Variants in PHF21B observed in about 807,000 individuals in gnomAD.
PHF21B encodes the protein PHD finger protein 21B.
A neutral mutation model predicts 62.2 loss-of-function variants in PHF21B; 22 were observed. The ratio of observed to expected loss-of-function variants is 0.35; its 90% CI spans 0.25 to 0.51. The LOEUF (loss-of-function observed/expected upper bound fraction) is 0.51, where lower values mean the gene tolerates loss of function less well. PHF21B is among the 20% of genes least tolerant of loss of function. PHF21B has a pLI of 0.97. For missense variants in PHF21B, 701 were observed against 707.9 expected (o/e 0.99, Z 0.11); for synonymous variants, 341 against 314.7 (o/e 1.08, Z -0.88).
At chr22:44,915,614 G>A (rs575291055) in intron 4 of PHF21B, among the ~76,000 whole-genome samples, 1 of 152,226 alleles carries the variant, frequency 6.6e-6, no homozygotes, top group Admixed American at 6.5e-5. Context: ...CTCACATGAG[G>A]GTCGGCCGTC....
At position 44,917,176 on chromosome 22, in the gene PHF21B, C is replaced by A. The variant is rs539812851; in HGVS notation, c.214-546G>T. On this transcript the variant is annotated intron_variant, in intron 3 of 12. Coordinates refer to ENST00000313237, the MANE Select transcript of PHF21B (RefSeq NM_138415.5). The stretch of plus-strand genomic sequence containing the variant: ...GACAGTGAAGGTGTGCAGAGGGCAG[C>A]CGGGCAGCCACTGGGTGGTTCAGGC... Among the ~76,000 whole-genome samples the A allele has an allele frequency of 2.6e-4, 40 of 152,308 alleles. No individual in the cohort carries two copies. In the East Asian group the frequency reaches 7.1e-3, roughly 27 times the overall value.
Position 44,882,889 on chromosome 22 carries a change from T to G in PHF21B, c.*197A>C. On this transcript the variant is annotated 3_prime_UTR_variant, in exon 13 of 13. Coordinates refer to ENST00000313237, the MANE Select transcript of PHF21B (RefSeq NM_138415.5). ...TGGCTCCTAGGTACCCCCTGTGAAT[T>G]TGGAGGGCACAGGGCCGCACCCCCA... is the stretch of plus-strand genomic sequence containing the variant. 2 of 608,354 alleles carry G rather than the reference T, an allele frequency of 3.3e-6. No homozygotes were observed. The highest frequency in any genetic ancestry group is 2.5e-5 in the South Asian group (1 of 40,552). The allele number at this position is 608,354 out of a possible 1,614,324, so 37.7% of individuals were successfully genotyped here.
intron 2 of PHF21B, among the ~76,000 whole-genome samples, chr22:45,007,589 G>GGAGC (rs897169944): frequency 6.8e-6 from 1 of 147,974 alleles, no homozygotes; most frequent in African/African-American, 2.5e-5. Flanking sequence ...GGCAGCGGAG[G>GGAGC]GAGGGAGGGG....
At chr22:44,992,847 G>C (rs898487109) in intron 2 of PHF21B, among the ~76,000 whole-genome samples, 1 of 152,140 alleles carries the variant, frequency 6.6e-6, no homozygotes, top group African/African-American at 2.4e-5. Context: ...CGATCCTGTC[G>C]GCCTCATCCC....
chr22:44,914,851 C>T (rs2071406990), intron 4 of PHF21B, among the ~76,000 whole-genome samples: 1 of 152,156 alleles, frequency 6.6e-6, no homozygotes, highest in Non-Finnish European at 1.5e-5. Flanking sequence ...GGCCCAGCCT[C>T]TCCCTGGGCC....
At chr22:44,947,476 G>A (rs1005927041) in intron 2 of PHF21B, among the ~76,000 whole-genome samples, 15 of 152,182 alleles carry the variant, frequency 9.9e-5, no homozygotes, top group African/African-American at 2.9e-4. Flanking sequence ...TCTCAGCCAC[G>A]CAGCTCCCAT....
At chr22:44,947,239 C>T (rs1425134734) in intron 2 of PHF21B, among the ~76,000 whole-genome samples, 2 of 152,078 alleles carry the variant, frequency 1.3e-5, no homozygotes, top group Admixed American at 6.5e-5. Context: ...AGGGCTGCCT[C>T]CAGTCTGTGT....
chr22:44,959,572 T>C (rs983052493), intron 2 of PHF21B, among the ~76,000 whole-genome samples: 13 of 152,220 alleles, frequency 8.5e-5, no homozygotes, highest in African/African-American at 2.9e-4. Flanking sequence ...TCTCTGCTCC[T>C]ACCACGGAGA....
intron 2 of PHF21B, among the ~76,000 whole-genome samples, chr22:44,973,237 C>T (rs1192023616): frequency 6.6e-6 from 1 of 152,204 alleles, no homozygotes; most frequent in Non-Finnish European, 1.5e-5. Flanking sequence ...CTCCCTGTCC[C>T]TGGACCCTGG....
chr22:44,914,414 C>A (rs2071399963), intron 4 of PHF21B, among the ~76,000 whole-genome samples: 1 of 152,198 alleles, frequency 6.6e-6, no homozygotes, highest in African/African-American at 2.4e-5. Flanking sequence ...TCAGGTTGGT[C>A]ATCAGTGAAA....
chr22:44,952,324 CAA>C (rs1178992619), intron 2 of PHF21B, among the ~76,000 whole-genome samples: 1 of 152,166 alleles, frequency 6.6e-6, no homozygotes, highest in East Asian at 1.9e-4. Flanking sequence ...GCCTGGGCAA[CAA>C]GAGCGAAACT....
chr22:44,937,381 G>A (rs1341987251), intron 2 of PHF21B, among the ~76,000 whole-genome samples: 1 of 152,194 alleles, frequency 6.6e-6, no homozygotes, highest in East Asian at 1.9e-4. Flanking sequence ...GTGAACACAG[G>A]TGCACACTCA....
intron 2 of PHF21B, chr22:44,933,571 G>A (rs555872141): frequency 1.1e-5 from 11 of 979,892 alleles, no homozygotes; most frequent in Non-Finnish European, 1.1e-5. Flanking sequence ...GCAACTCAAC[G>A]GAAGTGCACG....
chr22:44,973,938 T>G (rs951276748), intron 2 of PHF21B, among the ~76,000 whole-genome samples: 1 of 152,088 alleles, frequency 6.6e-6, no homozygotes, highest in Admixed American at 6.5e-5. Flanking sequence ...GTAAGGACAA[T>G]GTAGGCAGAA....
chr22:44,962,028 T>C (rs905192441), intron 2 of PHF21B, among the ~76,000 whole-genome samples: 4 of 152,210 alleles, frequency 2.6e-5, no homozygotes, highest in African/African-American at 9.6e-5. Flanking sequence ...GGCAGTTAGG[T>C]TGTTTCCATG....
chr22:44,894,988 G>A (rs545596997), intron 6 of PHF21B, among the ~76,000 whole-genome samples: 2 of 152,372 alleles, frequency 1.3e-5, no homozygotes, highest in African/African-American at 4.8e-5. Context: ...CTTCAAGACT[G>A]CTAGTGCCTC....
rs532722519 is a variant in PHF21B at position 44,893,838 on chromosome 22, C to T, written c.884-305G>A. Among the ~76,000 whole-genome samples, 59 of 152,352 alleles carry T rather than the reference C, an allele frequency of 3.9e-4. No individual in the cohort carries two copies. In the South Asian group the frequency reaches 5.8e-3, roughly 15 times the overall value. ...TTTGTGTCCCTATCTGGCCCATGGC[C>T]GTTATTGGGGACCCACAGGATGGCA... On this transcript the variant is annotated intron_variant, in intron 6 of 12. Transcript: ENST00000313237.
chr22:44,905,090 C>G (rs2071225274), intron 5 of PHF21B, among the ~76,000 whole-genome samples: 1 of 152,230 alleles, frequency 6.6e-6, no homozygotes, highest in Non-Finnish European at 1.5e-5. Context: ...AAAACTCACA[C>G]TGATGCTCTT....
At chr22:44,993,323 AGT>A (rs1295793906) in intron 2 of PHF21B, among the ~76,000 whole-genome samples, 1 of 152,190 alleles carries the variant, frequency 6.6e-6, no homozygotes, top group Admixed American at 6.5e-5. Context: ...ACCCAGCCTC[AGT>A]GTCCCCTCCG....
Sources: allele counts gnomAD v4.1 joint callset (sites outside exome capture counted in the v4.1 genomes callset), GRCh38; gene constraint gnomAD v4.1.1; transcripts MANE v1.5; gene names NCBI Gene and HGNC (gene_info 2026-07-23, HGNC 2026-07-21).